TYW1B: variants seen among roughly 807,000 people sequenced by gnomAD.
TYW1B encodes the protein S-adenosyl-L-methionine-dependent tRNA 4-demethylwyosine synthase TYW1B.
A neutral mutation model predicts 86.9 loss-of-function variants in TYW1B; 73 were observed. That is an observed-to-expected ratio of 0.84 (90% confidence interval 0.70 to 1.02). The LOEUF (loss-of-function observed/expected upper bound fraction) is 1.02. TYW1B is among the 50% of genes least tolerant of loss of function. The pLI, the probability that TYW1B is intolerant of heterozygous loss-of-function variation, is 0.00. For synonymous variants in TYW1B, 248 were observed against 292.8 expected (o/e 0.85, Z 1.56); for missense variants, 637 against 827.4 (o/e 0.77, Z 2.82).
chr7:72,580,066 G>A (rs1811117398), intron 13 of TYW1B, among the ~76,000 whole-genome samples: 1 of 152,068 alleles, frequency 6.6e-6, no homozygotes, highest in African/African-American at 2.4e-5. Context: ...GCCACACTGG[G>A]AATTAGGACC....
intron 13 of TYW1B, among the ~76,000 whole-genome samples, chr7:72,589,131 G>A (rs1350749031): frequency 1.7e-4 from 26 of 152,140 alleles, no homozygotes; most frequent in Admixed American, 7.2e-4. Flanking sequence ...ACTCGTTTAA[G>A]CCTCAGTTTC....
rs550153993 is a variant in TYW1B at position 72,801,543 on chromosome 7, C to CT, written c.846+856dup. On this transcript the variant is annotated intron_variant, in intron 6 of 13. Transcript: ENST00000620995. Reference sequence around the variant, plus strand: ...TTGATTTTCTTGGATTTTCTAGTAGCTTTTTTTTTTTAAGGCTTATGGACT... The same window carrying CT: ...TTGATTTTCTTGGATTTTCTAGTAGCTTTTTTTTTTTTAAGGCTTATGGACT... Among the ~76,000 whole-genome samples the CT allele has an allele frequency of 4.1e-3, 582 of 143,030 alleles. 6 individuals carry two copies. The highest frequency in any genetic ancestry group is 0.033 in the South Asian group (151 of 4,526). The allele number at this position is 143,030 out of a possible 152,430, so 93.8% of individuals were successfully genotyped here.
chr7:72,640,473 T>C (rs1314169614), intron 11 of TYW1B, among the ~76,000 whole-genome samples: 1 of 150,674 alleles, frequency 6.6e-6, no homozygotes, highest in Admixed American at 6.6e-5. Flanking sequence ...CAAAAAAGGC[T>C]GAAAATAAAA....
rs534366116 is a variant in TYW1B at position 72,593,680 on chromosome 7, G to C, written c.1786-17961C>G. 7.7e-4 allele frequency among the ~76,000 whole-genome samples: 117 copies of C among 151,886 alleles called. 1 individual carries two copies. The highest frequency in any genetic ancestry group is 2.7e-3 in the African/African-American group (111 of 41,464). Reference sequence around the variant, plus strand: ...TACTAAAAATACAAAAAATTAGCAGGGCATGGTGGCGGGCGCCTGTAGTCC... The same window carrying C: ...TACTAAAAATACAAAAAATTAGCAGCGCATGGTGGCGGGCGCCTGTAGTCC... On this transcript the variant is annotated intron_variant, in intron 13 of 13. Coordinates refer to ENST00000620995, the MANE Select transcript of TYW1B (RefSeq NM_001145440.3).
At chr7:72,790,612 C>T (rs1788203777) in intron 6 of TYW1B, among the ~76,000 whole-genome samples, 1 of 152,206 alleles carries the variant, frequency 6.6e-6, no homozygotes, top group African/African-American at 2.4e-5. Context: ...ATGATGTCAA[C>T]CTGCTGCCTT....
chr7:72,706,972 C>T (rs1814629640), intron 10 of TYW1B, among the ~76,000 whole-genome samples: 1 of 152,186 alleles, frequency 6.6e-6, no homozygotes, highest in African/African-American at 2.4e-5. Flanking sequence ...GGGCTATTCA[C>T]ATAATTATAA....
chr7:72,642,545 G>A (rs1812826172), intron 11 of TYW1B, among the ~76,000 whole-genome samples: 1 of 152,182 alleles, frequency 6.6e-6, no homozygotes, highest in Non-Finnish European at 1.5e-5. Flanking sequence ...ACGTCCATCA[G>A]CTGAAGAACG....
chr7:72,635,655 A>G (rs1812649229), intron 11 of TYW1B, among the ~76,000 whole-genome samples: 1 of 152,234 alleles, frequency 6.6e-6, no homozygotes, highest in African/African-American at 2.4e-5. Flanking sequence ...ATATCCATGT[A>G]CATTTTAGAA....
At chr7:72,665,374 C>T (rs782136391) in intron 11 of TYW1B, among the ~76,000 whole-genome samples, 1 of 152,200 alleles carries the variant, frequency 6.6e-6, no homozygotes, top group African/African-American at 2.4e-5. Flanking sequence ...TCTGATGACA[C>T]TGAGAAGCCA....
intron 8 of TYW1B, among the ~76,000 whole-genome samples, chr7:72,736,323 T>C (rs1476100647): frequency 6.6e-6 from 1 of 152,246 alleles, no homozygotes; most frequent in South Asian, 2.1e-4. Context: ...TACGACCTAA[T>C]GCTTGCTGGG....
intron 13 of TYW1B, among the ~76,000 whole-genome samples, chr7:72,607,593 G>C (rs1554435122): frequency 2.6e-5 from 4 of 151,942 alleles, no homozygotes; most frequent in African/African-American, 9.6e-5. Flanking sequence ...AATAATAAAT[G>C]GTTCAACAGA....
At chr7:72,621,326 A>T (rs1278257188) in intron 12 of TYW1B, among the ~76,000 whole-genome samples, 1 of 152,138 alleles carries the variant, frequency 6.6e-6, no homozygotes, top group Non-Finnish European at 1.5e-5. Context: ...ATAAACCCCA[A>T]ATACTTCATT....
chr7:72,639,351 G>T (rs1379993715), intron 11 of TYW1B, among the ~76,000 whole-genome samples: 1 of 151,900 alleles, frequency 6.6e-6, no homozygotes, highest in Non-Finnish European at 1.5e-5. Flanking sequence ...ACTTTTTGTA[G>T]AGACAGGGTC....
intron 13 of TYW1B, among the ~76,000 whole-genome samples, chr7:72,599,689 T>C (rs1221295862): frequency 6.6e-6 from 1 of 152,076 alleles, no homozygotes; most frequent in African/African-American, 2.4e-5. Context: ...TATAGCAAGG[T>C]TGTAAGACAC....
chr7:72,707,185 T>C (rs1276791341), intron 10 of TYW1B, among the ~76,000 whole-genome samples: 3 of 152,252 alleles, frequency 2.0e-5, no homozygotes, highest in Admixed American at 6.5e-5. Flanking sequence ...CTTTGGTCCA[T>C]GGGAAGTGAG....
At chr7:72,727,764 A>C (rs1787026607) in intron 9 of TYW1B, among the ~76,000 whole-genome samples, 1 of 150,248 alleles carries the variant, frequency 6.7e-6, no homozygotes, top group Non-Finnish European at 1.5e-5. Flanking sequence ...CAGTGAGCCA[A>C]GATAGCACCA....
At chr7:72,712,243 C>T (rs1554454903) in intron 10 of TYW1B, among the ~76,000 whole-genome samples, 1 of 152,086 alleles carries the variant, frequency 6.6e-6, no homozygotes, top group Non-Finnish European at 1.5e-5. Flanking sequence ...ATGGCTGGAA[C>T]CCTCGGTGTA....
chr7:72,741,285 T>A (rs1563078424), intron 8 of TYW1B, among the ~76,000 whole-genome samples: 1 of 151,856 alleles, frequency 6.6e-6, no homozygotes, highest in East Asian at 1.9e-4. Flanking sequence ...ATACAAATGA[T>A]AAGAAGGAAC....
chr7:72,728,749 G>A, intron 9 of TYW1B, 73 bp downstream of exon 9: 1 of 1,437,572 alleles, frequency 7.0e-7, no homozygotes, highest in Non-Finnish European at 9.4e-7. Context: ...CTACCAAAGA[G>A]GCAATTCTTC....
Sources: allele counts gnomAD v4.1 joint callset (sites outside exome capture counted in the v4.1 genomes callset), GRCh38; gene constraint gnomAD v4.1.1; transcripts MANE v1.5; gene names NCBI Gene and HGNC (gene_info 2026-07-23, HGNC 2026-07-21).